Variants in BBS9 observed in about 807,000 individuals in gnomAD.
BBS9 encodes protein PTHB1.
In BBS9, 89 loss-of-function variants were observed where a neutral mutation model predicts 117.7. The ratio of observed to expected loss-of-function variants is 0.76; its 90% CI spans 0.64 to 0.90. The LOEUF (loss-of-function observed/expected upper bound fraction) is 0.90. BBS9 is among the 40% of genes least tolerant of loss of function. The probability of loss-of-function intolerance (pLI) is 0.00; values close to 1 mark genes in which losing one functional copy is unlikely to be tolerated. For synonymous variants in BBS9, 379 were observed against 370.9 expected (o/e 1.02, Z -0.25); for missense variants, 982 against 1,042.2 (o/e 0.94, Z 0.80).
chr7:33,136,220 T>G (rs1790437789), intron 1 of BBS9, among the ~76,000 whole-genome samples: 1 of 152,254 alleles, frequency 6.6e-6, no homozygotes, highest in Non-Finnish European at 1.5e-5. Context: ...CCTGCAACCT[T>G]GCTTAACTCA....
At chr7:33,152,939 T>C (rs1793575017) in intron 3 of BBS9, 88 bp downstream of exon 3, 2 of 1,408,680 alleles carry the variant, frequency 1.4e-6, no homozygotes, top group East Asian at 2.3e-5. Flanking sequence ...AAGAAGACTA[T>C]CCATGAATTA....
intron 21 of BBS9, among the ~76,000 whole-genome samples, chr7:33,555,994 T>C (rs889875920): frequency 6.6e-6 from 1 of 152,218 alleles, no homozygotes; most frequent in Non-Finnish European, 1.5e-5. Flanking sequence ...AGAAAATCCA[T>C]GTGGGTACAA....
At chr7:33,500,082 A>G (rs1845235696) in intron 19 of BBS9, among the ~76,000 whole-genome samples, 2 of 152,236 alleles carry the variant, frequency 1.3e-5, no homozygotes, top group African/African-American at 4.8e-5. Flanking sequence ...TTAACTTCCC[A>G]TTCTTACAAG....
intron 19 of BBS9, among the ~76,000 whole-genome samples, chr7:33,430,351 A>G (rs536389158): frequency 6.6e-6 from 1 of 152,166 alleles, no homozygotes; most frequent in South Asian, 2.1e-4. Context: ...TTTCTTATTT[A>G]TTTGTTAATA....
chr7:33,270,169 G>T (rs1799555660), intron 7 of BBS9, among the ~76,000 whole-genome samples: 1 of 152,034 alleles, frequency 6.6e-6, no homozygotes. Flanking sequence ...CTTGCAGAAA[G>T]CTTCAGCCCT....
intron 19 of BBS9, among the ~76,000 whole-genome samples, chr7:33,409,376 G>T (rs1296178619): frequency 1.3e-5 from 2 of 152,114 alleles, no homozygotes; most frequent in African/African-American, 4.8e-5. Flanking sequence ...TCTCCATATG[G>T]ATAGCCAGCT....
At chr7:33,184,315 AAAG>A (rs1798507898) in intron 5 of BBS9, among the ~76,000 whole-genome samples, 1 of 152,192 alleles carries the variant, frequency 6.6e-6, no homozygotes, top group Non-Finnish European at 1.5e-5. Flanking sequence ...TTTGGGGAGA[AAAG>A]AAGCTCCCCA....
intron 19 of BBS9, among the ~76,000 whole-genome samples, chr7:33,404,441 G>A (rs1223621327): frequency 6.6e-6 from 1 of 151,934 alleles, no homozygotes; most frequent in Non-Finnish European, 1.5e-5. Context: ...GGGCAGTATG[G>A]CCATTTTCAC....
chr7:33,635,599 A>G (rs1463335885), exon 22 of BBS9, among the ~76,000 whole-genome samples: 3 of 152,186 alleles, frequency 2.0e-5, no homozygotes, highest in African/African-American at 7.2e-5. Context: ...TTCTTTCTGG[A>G]AAAATCCTCT....
intron 11 of BBS9, among the ~76,000 whole-genome samples, chr7:33,344,177 G>C (rs980280321): frequency 6.9e-6 from 1 of 145,820 alleles, no homozygotes; most frequent in African/African-American, 2.6e-5. Context: ...CGCCTCCCGG[G>C]TTCATGCCAT....
At chr7:33,367,993 A>G in intron 17 of BBS9, 131 bp downstream of exon 17, 1 of 758,898 alleles carries the variant, frequency 1.3e-6, no homozygotes, top group Non-Finnish European at 2.3e-6. Context: ...AAGCCATGAT[A>G]TTAAGTAGAT....
At chr7:33,428,886 G>GTT (rs1834018952) in intron 19 of BBS9, among the ~76,000 whole-genome samples, 1 of 152,116 alleles carries the variant, frequency 6.6e-6, no homozygotes, top group Non-Finnish European at 1.5e-5. Flanking sequence ...TGACATTGGT[G>GTT]TTAGGCTAGC....
At chr7:33,627,764 A>T (rs1445448148) in intron 21 of BBS9, among the ~76,000 whole-genome samples, 1 of 152,148 alleles carries the variant, frequency 6.6e-6, no homozygotes, top group African/African-American at 2.4e-5. Context: ...TATTTATACC[A>T]CACAGGCTGG....
intron 9 of BBS9, 136 bp downstream of exon 9, chr7:33,274,092 G>C (rs1024120061): frequency 4.4e-6 from 4 of 907,748 alleles, no homozygotes; most frequent in Non-Finnish European, 6.7e-6. Context: ...AATAATAAAA[G>C]TAATTTAAAA....
intron 19 of BBS9, among the ~76,000 whole-genome samples, chr7:33,434,302 T>C (rs1834973883): frequency 6.6e-6 from 1 of 152,030 alleles, no homozygotes; most frequent in South Asian, 2.1e-4. Flanking sequence ...AACTCCGTTT[T>C]AGCTTATGTT....
At position 33,283,162 on chromosome 7, in the gene BBS9, G is replaced by A. The variant is rs187916962; in HGVS notation, c.1016+9206G>A. 2.6e-3 allele frequency among the ~76,000 whole-genome samples: 389 copies of A among 152,164 alleles called. 4 individuals are homozygous for A. The highest frequency in any genetic ancestry group is 4.5e-3 in the Non-Finnish European group (303 of 68,012). On this transcript the variant is annotated intron_variant, in intron 9 of 22. Transcript: ENST00000242067. ...TCATCCTGTAGTTTTGTGGAAAGCCGTGTAAGTGTTCTTACCTTAATAATT... is the reference window on the plus strand; with the variant it reads ...TCATCCTGTAGTTTTGTGGAAAGCCATGTAAGTGTTCTTACCTTAATAATT...
intron 19 of BBS9, among the ~76,000 whole-genome samples, chr7:33,434,684 C>T (rs1835041517): frequency 6.6e-6 from 1 of 152,066 alleles, no homozygotes; most frequent in South Asian, 2.1e-4. Flanking sequence ...ATTCATAGAA[C>T]CATTTAGTGA....
intron 20 of BBS9, among the ~76,000 whole-genome samples, chr7:33,532,220 A>C (rs1203465660): frequency 1.3e-5 from 2 of 152,228 alleles, no homozygotes; most frequent in East Asian, 3.9e-4. Flanking sequence ...GCATTGTAGC[A>C]TGAGCGACGG....
chr7:33,608,836 T>C (rs1864720716), downstream of BBS9, among the ~76,000 whole-genome samples: 1 of 151,932 alleles, frequency 6.6e-6, no homozygotes. Context: ...ATAGTGTCTT[T>C]TATGATGCAG....
Sources: gnomAD v4.1 joint callset for allele counts (sites outside exome capture counted in the v4.1 genomes callset) on GRCh38, gnomAD v4.1.1 for gene constraint, MANE v1.5 for transcripts, NCBI Gene and HGNC (gene_info 2026-07-23, HGNC 2026-07-21) for gene names.